Variants in USP34 observed in about 807,000 individuals in gnomAD.
The protein encoded by USP34 is ubiquitin carboxyl-terminal hydrolase 34.
In USP34, 70 loss-of-function variants were observed where a neutral mutation model predicts 460.3. That is an observed-to-expected ratio of 0.15 (90% CI 0.13 to 0.19). The LOEUF is 0.19. Among genes scored for constraint, USP34 ranks in the 10% least tolerant of loss-of-function variants. The probability of loss-of-function intolerance (pLI) is 1.00; values close to 1 mark genes in which losing one functional copy is unlikely to be tolerated. For synonymous variants in USP34, 1,647 were observed against 1,405.3 expected, an observed-to-expected ratio of 1.17 and a Z score of -3.85; for missense variants, 3,985 against 4,236.2, an observed-to-expected ratio of 0.94 and a Z score of 1.65.
rs114025298 is a variant in USP34, at chr2:61,348,277, G to A, written c.1878C>T (p.Asp626=). The change falls in exon 15 of 80, where the codon GAC becomes GAT. Residue 626 remains aspartate, a synonymous_variant. Coordinates refer to ENST00000398571, the MANE Select transcript of USP34 (RefSeq NM_014709.4). ...DIEALKEEDE[D]DDHGHNPPKS... Reference sequence around the variant, plus strand: ...TGGGAGGATTATGACCATGATCATCGTCTTCATCTTCCTCTTTGAGGGCTT... The same window carrying A: ...TGGGAGGATTATGACCATGATCATCATCTTCATCTTCCTCTTTGAGGGCTT... 967 of 1,614,066 alleles carry A rather than the reference G, an allele frequency of 6.0e-4. 7 individuals carry two copies. The African/African-American group carries it at 0.011, about 18-fold the overall frequency.
In USP34 at chr2:61,348,266, C is replaced by G; in HGVS notation, c.1889G>C (p.Gly630Ala). 6.2e-7 allele frequency: 1 copy of G among 1,614,182 alleles called. No homozygotes were observed. The highest frequency in any genetic ancestry group is 8.5e-7 in the Non-Finnish European group (1 of 1,180,018). The change falls in exon 15 of 80, where the codon GGT becomes GCT. Residue 630 changes from glycine (G) to alanine (A), a missense_variant. By Grantham distance (60) the Gly-to-Ala change is moderately conservative. Around this residue, in one of 14 missense-constraint regions of USP34, gnomAD observed 716 missense variants for 626.2 expected, o/e 1.14. Coordinates refer to ENST00000398571, the MANE Select transcript of USP34 (RefSeq NM_014709.4). ...LKEEDEDDDH[G>A]HNPPKSSCGT... ...ACAACTGCTTTTGGGAGGATTATGA[C>G]CATGATCATCGTCTTCATCTTCCTC... is the stretch of plus-strand genomic sequence containing the variant.
At chr2:61,382,123 C>T (rs371836765) in intron 6 of USP34, among the ~76,000 whole-genome samples, 1 of 152,146 alleles carries the variant, frequency 6.6e-6, no homozygotes, top group African/African-American at 2.4e-5. Context: ...AATATATAAA[C>T]CTTTCAATTG....
At chr2:61,314,839 G>C in intron 24 of USP34, 36 bp downstream of exon 24, 1 of 1,599,342 alleles carries the variant, frequency 6.3e-7, no homozygotes, top group Non-Finnish European at 8.5e-7. Context: ...CCCTCACATA[G>C]AAATTACCTA....
At chr2:61,307,513 T>G (rs1690450410) in intron 27 of USP34, among the ~76,000 whole-genome samples, 1 of 151,976 alleles carries the variant, frequency 6.6e-6, no homozygotes, top group African/African-American at 2.4e-5. Context: ...AATCTCATGA[T>G]TTCCTTTTTA....
At position 61,406,121 on chromosome 2, in the gene USP34, G is replaced by C. The variant is rs144420483; in HGVS notation, c.139C>G (p.Leu47Val). 5.7e-6 allele frequency: 9 copies of C among 1,584,582 alleles called. No individual in the cohort carries two copies. Among genetic ancestry groups the C allele is most frequent in the Admixed American group, 1.9e-5 (1 of 52,768 alleles). The change falls in exon 3 of 80, where the codon CTA becomes GTA. Residue 47 changes from leucine (L) to valine (V), a missense_variant. Coordinates refer to ENST00000398571, the MANE Select transcript of USP34 (RefSeq NM_014709.4). ...YINSWTQRQCLCCFKEYKHLE... is the reference protein window; with the variant it reads ...YINSWTQRQCVCCFKEYKHLE... Reference sequence around the variant, plus strand: ...TGCTTATATTCCTTGAAGCAGCATAGACATTGCCTATAAGAGAAAAAAAAT... The same window carrying C: ...TGCTTATATTCCTTGAAGCAGCATACACATTGCCTATAAGAGAAAAAAAAT...
chr2:61,256,807 C>T lies in USP34; in HGVS notation c.6126+66G>A, dbSNP rs936559549. On this transcript the variant is annotated intron_variant, in intron 47 of 79. Transcript: ENST00000398571. ...AGTTTAAAAATATCAAGATGACCAA[C>T]ACAAACCCGCTATACACAAATAGGT... 19 of 1,264,050 alleles carry T rather than the reference C, an allele frequency of 1.5e-5. No homozygotes were observed. The African/African-American group carries it at 2.6e-4, about 17-fold the overall frequency. 78.3% of individuals were successfully genotyped at this position (1,264,050 alleles called of 1,614,324 possible).
At chr2:61,234,041 CAAGA>C (rs879414582) in intron 57 of USP34, among the ~76,000 whole-genome samples, 19 of 151,958 alleles carry the variant, frequency 1.3e-4, no homozygotes, top group Non-Finnish European at 2.4e-4. Context: ...ATAGATGAAA[CAAGA>C]AAGAAAGATT....
At chr2:61,403,954 CT>C (rs1330877353) in intron 3 of USP34, among the ~76,000 whole-genome samples, 1 of 135,714 alleles carries the variant, frequency 7.4e-6, no homozygotes, top group African/African-American at 2.7e-5. Flanking sequence ...GATCACACCA[CT>C]GCACTCCAGC....
intron 41 of USP34, among the ~76,000 whole-genome samples, chr2:61,266,396 T>C (rs777794897): frequency 6.6e-6 from 1 of 152,204 alleles, no homozygotes; most frequent in Non-Finnish European, 1.5e-5. Flanking sequence ...AGCTCATTCT[T>C]AGACTCTTCA....
intron 44 of USP34, among the ~76,000 whole-genome samples, chr2:61,257,620 C>T (rs540703356): frequency 3.5e-4 from 54 of 152,288 alleles, no homozygotes; most frequent in African/African-American, 1.2e-3. Context: ...GACTCACAGC[C>T]GGGCACAGTG....
Position 61,348,527 on chromosome 2 carries a change from G to A in USP34, c.1675-47C>T, listed in dbSNP as rs1242259403. The A allele has an allele frequency of 3.3e-5, 51 of 1,558,592 alleles. No homozygotes were observed. In the Admixed American group the frequency reaches 3.9e-4, roughly 12 times the overall value. On this transcript the variant is annotated intron_variant, in intron 14 of 79. Transcript: ENST00000398571. ...TTTAAATAAATATTTAAACCAGTAA[G>A]AAAAAAGGTAACCAACATTAATAAA...
chr2:61,299,442 C>G (rs992241937), intron 29 of USP34, among the ~76,000 whole-genome samples: 1 of 152,162 alleles, frequency 6.6e-6, no homozygotes, highest in African/African-American at 2.4e-5. Flanking sequence ...TGATATCACA[C>G]ATACTCTTGC....
intron 8 of USP34, among the ~76,000 whole-genome samples, chr2:61,371,308 A>G (rs1692617044): frequency 6.6e-6 from 1 of 152,174 alleles, no homozygotes; most frequent in Non-Finnish European, 1.5e-5. Context: ...TACAGTATAT[A>G]ATACTTAATA....
At chr2:61,237,084 A>G (rs1666095136) in intron 53 of USP34, among the ~76,000 whole-genome samples, 1 of 152,256 alleles carries the variant, frequency 6.6e-6, no homozygotes, top group East Asian at 1.9e-4. Context: ...TTGCCTCTCC[A>G]GCCCACTACA....
intron 69 of USP34, among the ~76,000 whole-genome samples, chr2:61,209,907 G>C (rs978750114): frequency 6.6e-6 from 1 of 151,876 alleles, no homozygotes; most frequent in Admixed American, 6.6e-5. Flanking sequence ...CTAATTGTGT[G>C]TGTTTATGTC....
chr2:61,370,670 T>C, intron 8 of USP34, 91 bp from the exon 9 acceptor site: 2 of 1,123,302 alleles, frequency 1.8e-6, no homozygotes, highest in Non-Finnish European at 2.6e-6. Flanking sequence ...CCTAAATTTG[T>C]TCCTATAGGA....
intron 8 of USP34, among the ~76,000 whole-genome samples, chr2:61,374,715 T>A (rs1246583331): frequency 6.6e-6 from 1 of 151,928 alleles, no homozygotes; most frequent in Non-Finnish European, 1.5e-5. Context: ...GTTCAAGTGA[T>A]TCACCACCAG....
At chr2:61,236,103 C>T (rs1393104252) in intron 55 of USP34, 30 bp from the exon 56 acceptor site, 1 of 1,595,966 alleles carries the variant, frequency 6.3e-7, no homozygotes. Context: ...AAAAAAGCTT[C>T]AATCATTTTA....
At chr2:61,319,816 C>A (rs1048294022) in intron 21 of USP34, among the ~76,000 whole-genome samples, 1 of 152,118 alleles carries the variant, frequency 6.6e-6, no homozygotes. Context: ...TGCACTCCAG[C>A]CAGGGCAACA....
Sources: allele counts gnomAD v4.1 joint callset (sites outside exome capture counted in the v4.1 genomes callset), GRCh38; gene constraint gnomAD v4.1.1; regional missense constraint gnomAD v4.1.1; transcripts MANE v1.5; gene names NCBI Gene and HGNC (gene_info 2026-07-23, HGNC 2026-07-21).